Variants in CHRM3 observed in about 807,000 individuals in gnomAD.
The protein encoded by CHRM3 is cholinergic receptor muscarinic 3, also known as muscarinic acetylcholine receptor M3.
CHRM3 carries 11 observed loss-of-function variants against 41.8 expected under a neutral mutation model. The observed-to-expected ratio is 0.26, with a 90% CI of 0.17 to 0.44. The LOEUF is 0.44. CHRM3 is among the 20% of genes least tolerant of loss of function. The pLI is 1.00. For missense variants in CHRM3, 571 were observed against 745.4 expected (o/e 0.77, Z 2.72); for synonymous variants, 297 against 301.4 (o/e 0.99, Z 0.15).
At chr1:239,526,568 T>C (rs1670006149) in intron 2 of CHRM3, among the ~76,000 whole-genome samples, 1 of 152,152 alleles carries the variant, frequency 6.6e-6, no homozygotes, top group Non-Finnish European at 1.5e-5. Flanking sequence ...CAGGAAGACA[T>C]CTGGCCTCAG....
At chr1:239,553,698 CTT>C (rs1159269181) in intron 3 of CHRM3, among the ~76,000 whole-genome samples, 2 of 152,148 alleles carry the variant, frequency 1.3e-5, no homozygotes, top group Non-Finnish European at 2.9e-5. Flanking sequence ...TGAACTATCT[CTT>C]TTCAGTTTAA....
intron 5 of CHRM3, among the ~76,000 whole-genome samples, chr1:239,793,236 T>G (rs2148874341): frequency 6.6e-6 from 1 of 152,322 alleles, no homozygotes; most frequent in East Asian, 1.9e-4. Flanking sequence ...ACTTCAGGAT[T>G]TTTCATTTAA....
chr1:239,480,637 A>C lies in CHRM3; in HGVS notation c.-520-12072A>C, dbSNP rs567132593. Among the ~76,000 whole-genome samples, 25 of 147,414 alleles carry C rather than the reference A, an allele frequency of 1.7e-4. 1 individual carries two copies. The South Asian group carries it at 5.3e-3, about 31-fold the overall frequency. On this transcript the variant is annotated intron_variant, in intron 1 of 6. Coordinates refer to ENST00000676153, the MANE Select transcript of CHRM3 (RefSeq NM_001375978.1). ...AGTGGCACGATCTTGGCTCACTGCAAGCTCTGCCTCCCAGGTTCATGCCGT... is the reference window on the plus strand; with the variant it reads ...AGTGGCACGATCTTGGCTCACTGCACGCTCTGCCTCCCAGGTTCATGCCGT...
chr1:239,796,838 A>ACC (rs1407950166), intron 5 of CHRM3, among the ~76,000 whole-genome samples: 1 of 150,430 alleles, frequency 6.6e-6, no homozygotes, highest in Non-Finnish European at 1.5e-5. Flanking sequence ...TTCATTCCTC[A>ACC]CCCCCCTCCC....
At chr1:239,661,060 G>T (rs562954339) in intron 4 of CHRM3, among the ~76,000 whole-genome samples, 1 of 152,086 alleles carries the variant, frequency 6.6e-6, no homozygotes, top group Non-Finnish European at 1.5e-5. Context: ...AACATGCCCA[G>T]GTCTCCTGAT....
At position 239,404,414 on chromosome 1, in the gene CHRM3, GAAAGAAAGAAAGAA is replaced by G. The variant is rs1660350922; in HGVS notation, c.-521+17189_-521+17202del. ...AAAGAAAGAAAGAAAGAAAGAAAAA[GAAAGAAAGAAAGAA>G]AGAAAGAAAGAAAGAAAGAAAGAAA... On this transcript the variant is annotated intron_variant, in intron 1 of 6. Transcript: ENST00000676153. 1.3e-3 allele frequency among the ~76,000 whole-genome samples: 66 copies of G among 51,214 alleles called. No individual in the cohort carries two copies. The East Asian group carries it at 0.027, about 21-fold the overall frequency. The allele number at this position is 51,214 out of a possible 152,430, so 33.6% of individuals were successfully genotyped here. A position where few individuals can be genotyped will look rare whatever the true frequency, so the allele number is the denominator to read the frequency against.
chr1:239,819,684 C>G (rs977434368), intron 5 of CHRM3, among the ~76,000 whole-genome samples: 17 of 152,160 alleles, frequency 1.1e-4, no homozygotes, highest in African/African-American at 4.1e-4. Flanking sequence ...GTAAAAATAT[C>G]AGTAAGGCAC....
intron 2 of CHRM3, among the ~76,000 whole-genome samples, chr1:239,509,064 A>G (rs1278980899): frequency 1.3e-5 from 2 of 152,212 alleles, no homozygotes; most frequent in Admixed American, 6.5e-5. Context: ...ACATTTATTG[A>G]CTATCTTAGC....
At chr1:239,440,824 T>C (rs1036644512) in intron 1 of CHRM3, among the ~76,000 whole-genome samples, 3 of 152,190 alleles carry the variant, frequency 2.0e-5, no homozygotes, top group African/African-American at 7.2e-5. Flanking sequence ...TTGAACCTTA[T>C]TAAATACATT....
chr1:239,551,794 T>C (rs1336479054), intron 3 of CHRM3, among the ~76,000 whole-genome samples: 2 of 152,144 alleles, frequency 1.3e-5, no homozygotes, highest in Non-Finnish European at 2.9e-5. Flanking sequence ...ACAAATTATG[T>C]CAAGCCACTC....
chr1:239,404,667 G>A (rs1289343558), intron 1 of CHRM3, among the ~76,000 whole-genome samples: 1 of 143,464 alleles, frequency 7.0e-6, no homozygotes, highest in Admixed American at 7.2e-5. Context: ...TCAGATGTCC[G>A]CTGGAAAATT....
At chr1:239,848,297 G>A (rs1296209571) in intron 6 of CHRM3, among the ~76,000 whole-genome samples, 1 of 152,144 alleles carries the variant, frequency 6.6e-6, no homozygotes, top group East Asian at 1.9e-4. Flanking sequence ...TTCTGGAAAT[G>A]TGTTGACCTC....
At chr1:239,831,906 T>C (rs1241182290) in intron 6 of CHRM3, among the ~76,000 whole-genome samples, 1 of 152,220 alleles carries the variant, frequency 6.6e-6, no homozygotes, top group Non-Finnish European at 1.5e-5. Context: ...ATTTTCCTCC[T>C]AGAAGCATCC....
intron 5 of CHRM3, among the ~76,000 whole-genome samples, chr1:239,803,147 C>T (rs1670351160): frequency 6.6e-6 from 1 of 152,094 alleles, no homozygotes; most frequent in Admixed American, 6.6e-5. Context: ...ATGGTGAAGG[C>T]TCTATTTTCT....
At chr1:239,539,121 G>A (rs992220355) in intron 2 of CHRM3, among the ~76,000 whole-genome samples, 2 of 152,186 alleles carry the variant, frequency 1.3e-5, no homozygotes, top group African/African-American at 4.8e-5. Flanking sequence ...CATAACTGCT[G>A]TGGGGAAGAA....
At chr1:239,511,043 A>C (rs1463362248) in intron 2 of CHRM3, among the ~76,000 whole-genome samples, 1 of 152,218 alleles carries the variant, frequency 6.6e-6, no homozygotes, top group Non-Finnish European at 1.5e-5. Context: ...AGAAGGAGCT[A>C]TCCAAGGGTT....
At chr1:239,566,782 C>T (rs914433776) in intron 3 of CHRM3, among the ~76,000 whole-genome samples, 2 of 152,162 alleles carry the variant, frequency 1.3e-5, no homozygotes, top group South Asian at 2.1e-4. Context: ...AGCACTACCA[C>T]GCGGAGCTGA....
At chr1:239,819,479 T>A (rs558969857) in intron 5 of CHRM3, among the ~76,000 whole-genome samples, 3 of 152,352 alleles carry the variant, frequency 2.0e-5, no homozygotes, top group African/African-American at 7.2e-5. Context: ...CAATTTCCTA[T>A]TACTGCCTGT....
At chr1:239,414,167 C>T (rs939234556) in intron 1 of CHRM3, among the ~76,000 whole-genome samples, 4 of 152,162 alleles carry the variant, frequency 2.6e-5, no homozygotes, top group Admixed American at 1.3e-4. Context: ...GGGGCTCTGG[C>T]GTGCCTTGTA....
Sources: allele counts gnomAD v4.1 joint callset (sites outside exome capture counted in the v4.1 genomes callset), GRCh38; gene constraint gnomAD v4.1.1; transcripts MANE v1.5; gene names NCBI Gene and HGNC (gene_info 2026-07-23, HGNC 2026-07-21).